KIF2A: variants seen among roughly 807,000 people sequenced by gnomAD.
KIF2A encodes the protein kinesin-like protein KIF2A.
In KIF2A, 22 loss-of-function variants were observed where a neutral mutation model predicts 100.2. The ratio of observed to expected loss-of-function variants is 0.22; its 90% CI spans 0.16 to 0.31. The LOEUF (loss-of-function observed/expected upper bound fraction) is 0.31, where lower values mean the gene tolerates loss of function less well. KIF2A is among the 10% of genes least tolerant of loss of function. KIF2A has a pLI of 1.00. For missense variants in KIF2A, 495 were observed against 898.7 expected (o/e 0.55, Z 5.74); for synonymous variants, 268 against 285.9 (o/e 0.94, Z 0.63).
chr5:62,370,093 T>C (rs2111977163), intron 16 of KIF2A, among the ~76,000 whole-genome samples: 1 of 152,336 alleles, frequency 6.6e-6, no homozygotes, highest in African/African-American at 2.4e-5. Context: ...TTATCCCTAT[T>C]GCTACTTTAG....
At chr5:62,359,477 T>G (rs1384451653) in intron 9 of KIF2A, among the ~76,000 whole-genome samples, 1 of 151,850 alleles carries the variant, frequency 6.6e-6, no homozygotes, top group Non-Finnish European at 1.5e-5. Context: ...AAGGATCAAA[T>G]TAAAGGACAT....
At chr5:62,382,504 T>C (rs986868791) in intron 20 of KIF2A, among the ~76,000 whole-genome samples, 2 of 152,228 alleles carry the variant, frequency 1.3e-5, no homozygotes, top group East Asian at 3.8e-4. Flanking sequence ...TTTTGAAGTA[T>C]ATACACGTTG....
chr5:62,383,088 G>A (rs1388329123), intron 20 of KIF2A, among the ~76,000 whole-genome samples: 1 of 150,292 alleles, frequency 6.7e-6, no homozygotes, highest in East Asian at 2.0e-4. Flanking sequence ...CACTGTACCC[G>A]GCTACTTTTT....
intron 1 of KIF2A, among the ~76,000 whole-genome samples, chr5:62,346,523 C>T (rs950804863): frequency 1.3e-5 from 2 of 152,090 alleles, no homozygotes; most frequent in African/African-American, 2.4e-5. Flanking sequence ...GTGGATCACT[C>T]GAGGCCAGGA....
At chr5:62,346,038 T>C (rs1328280985) in intron 1 of KIF2A, among the ~76,000 whole-genome samples, 2 of 152,098 alleles carry the variant, frequency 1.3e-5, no homozygotes, top group African/African-American at 4.8e-5. Context: ...TAGTATTCAT[T>C]GCAGTGTTTA....
At chr5:62,337,806 G>A (rs1185708756) in intron 1 of KIF2A, among the ~76,000 whole-genome samples, 3 of 146,518 alleles carry the variant, frequency 2.0e-5, no homozygotes, top group African/African-American at 5.1e-5. Flanking sequence ...AGAGACCCCC[G>A]AACTCTTAAA....
chr5:62,372,065 A>T lies in KIF2A; in HGVS notation c.1647-373A>T, dbSNP rs190395966. 3.3e-4 allele frequency among the ~76,000 whole-genome samples: 51 copies of T among 152,334 alleles called. No individual in the cohort carries two copies. The East Asian group carries it at 9.3e-3, about 28-fold the overall frequency. ...TTTGGAAAAGACTGCAAAAATGTTG[A>T]AGACTCATGAATGCTAATAAACAAA... On this transcript the variant is annotated intron_variant, in intron 16 of 20. Transcript: ENST00000407818.
intron 18 of KIF2A, among the ~76,000 whole-genome samples, chr5:62,376,483 G>A (rs1741553237): frequency 1.3e-5 from 2 of 152,060 alleles, no homozygotes; most frequent in East Asian, 1.9e-4. Context: ...GCAATGGCAC[G>A]ATCTCAGCTT....
chr5:62,341,541 A>G (rs955649131), intron 1 of KIF2A, among the ~76,000 whole-genome samples: 1 of 152,094 alleles, frequency 6.6e-6, no homozygotes, highest in South Asian at 2.1e-4. Context: ...GGCTCAAGCC[A>G]TCCTCCTGCT....
chr5:62,367,782 C>T (rs771972653), intron 16 of KIF2A, among the ~76,000 whole-genome samples: 1 of 151,986 alleles, frequency 6.6e-6, no homozygotes, highest in Non-Finnish European at 1.5e-5. Flanking sequence ...TCCCACTGCT[C>T]TTGAGTGACT....
At chr5:62,352,279 G>C (rs1039423990) in intron 4 of KIF2A, among the ~76,000 whole-genome samples, 1 of 151,810 alleles carries the variant, frequency 6.6e-6, no homozygotes, top group Non-Finnish European at 1.5e-5. Flanking sequence ...ATATTTTAAA[G>C]GATTATTAAA....
chr5:62,359,650 T>C (rs1182727506), intron 9 of KIF2A, among the ~76,000 whole-genome samples: 3 of 152,228 alleles, frequency 2.0e-5, no homozygotes, highest in African/African-American at 7.2e-5. Context: ...TATAATAGTT[T>C]TTAAGAAATT....
At chr5:62,314,768 T>TTG (rs1554038403) in intron 1 of KIF2A, among the ~76,000 whole-genome samples, 2 of 147,528 alleles carry the variant, frequency 1.4e-5, no homozygotes, top group Non-Finnish European at 1.5e-5. Flanking sequence ...GTTTTTTTTT[T>TTG]TTTTTTTTTT....
chr5:62,361,799 A>T (rs1374702717), intron 11 of KIF2A, among the ~76,000 whole-genome samples: 2 of 151,372 alleles, frequency 1.3e-5, no homozygotes, highest in Non-Finnish European at 2.9e-5. Flanking sequence ...AGGTGGGTGG[A>T]TCACTTGAGG....
intron 1 of KIF2A, among the ~76,000 whole-genome samples, chr5:62,313,956 T>C (rs981767839): frequency 1.3e-5 from 2 of 152,004 alleles, no homozygotes; most frequent in African/African-American, 2.4e-5. Context: ...CATGCCTAGC[T>C]AATTTTTGTA....
At chr5:62,328,422 T>G (rs1276434976) in intron 1 of KIF2A, among the ~76,000 whole-genome samples, 1 of 152,214 alleles carries the variant, frequency 6.6e-6, no homozygotes, top group African/African-American at 2.4e-5. Flanking sequence ...CAAGTGGTTT[T>G]GGACGGTGTT....
chr5:62,344,986 C>G (rs1185835436), intron 1 of KIF2A, among the ~76,000 whole-genome samples: 1 of 152,236 alleles, frequency 6.6e-6, no homozygotes, highest in African/African-American at 2.4e-5. Context: ...TGGCTCACGC[C>G]TGTAGTCCCA....
At chr5:62,335,198 G>T (rs1746877095) in intron 1 of KIF2A, among the ~76,000 whole-genome samples, 1 of 152,206 alleles carries the variant, frequency 6.6e-6, no homozygotes, top group Non-Finnish European at 1.5e-5. Flanking sequence ...ACCCTGGCTG[G>T]AGTGCCTGGC....
chr5:62,339,681 C>T (rs1009674005), intron 1 of KIF2A, among the ~76,000 whole-genome samples: 1 of 146,960 alleles, frequency 6.8e-6, no homozygotes, highest in Non-Finnish European at 1.5e-5. Context: ...TATATTTGTG[C>T]AATGAAATAC....
Sources: gnomAD v4.1 joint callset for allele counts (sites outside exome capture counted in the v4.1 genomes callset) on GRCh38, gnomAD v4.1.1 for gene constraint, MANE v1.5 for transcripts, NCBI Gene and HGNC (gene_info 2026-07-23, HGNC 2026-07-21) for gene names.